The following PLB1 variants were observed in gnomAD, a reference collection of about 807,000 sequenced individuals.
PLB1 encodes the protein phospholipase B1.
In PLB1, 242 loss-of-function variants were observed where a neutral mutation model predicts 227.4. That is an observed-to-expected ratio of 1.06 (90% CI 0.96 to 1.18). The LOEUF is 1.18. Ranked by LOEUF, PLB1 falls within the 50% of genes most tolerant of loss-of-function variation. The pLI is 0.00. For synonymous variants in PLB1, 757 were observed against 682.2 expected (o/e 1.11, Z -1.71); for missense variants, 1,858 against 1,816.3 (o/e 1.02, Z -0.42).
rs373621925 is a variant in PLB1 at position 28,629,203 on chromosome 2, C to T, written c.3818+18C>T. 6.5e-5 allele frequency: 104 copies of T among 1,609,720 alleles called. No individual in the cohort carries two copies. Among genetic ancestry groups the T allele is most frequent in the South Asian group, 3.3e-4 (30 of 90,424 alleles). ...GCAGCTCAGTAAGTGGACAGGTCAC[C>T]GTCCCAAGGCAAGGGCACCTGGGGT... On this transcript the variant is annotated intron_variant, in intron 53 of 57. Transcript: ENST00000327757.
At chr2:28,574,336 A>ACCG (rs1553435008) in intron 21 of PLB1, among the ~76,000 whole-genome samples, 3 of 70,288 alleles carry the variant, frequency 4.3e-5, no homozygotes, top group Non-Finnish European at 7.5e-5. Flanking sequence ...TTAATCCCTC[A>ACCG]CCCCCCCCAC....
Position 28,620,904 on chromosome 2 carries a change from C to A in PLB1, c.3453C>A (p.Tyr1151Ter). ...LPNILKKFNP[Y>*]LLGFSTSTWE... is the part of the protein sequence containing the mutation. The stretch of plus-strand genomic sequence containing the variant: ...ACATTCTGAAGAAGTTCAACCCTTA[C>A]CTCCTTGGCTTCTCTACCAGCACCT... The change falls in exon 49 of 58, where the codon TAC becomes TAA. Residue 1151 changes from tyrosine (Y) to a stop codon, truncating the protein, a stop_gained. Coordinates refer to ENST00000327757, the MANE Select transcript of PLB1 (RefSeq NM_153021.5). LOFTEE classifies it high-confidence loss of function. The A allele has an allele frequency of 1.2e-6, 2 of 1,614,022 alleles. No individual in the cohort carries two copies. The highest frequency in any genetic ancestry group is 1.3e-5 in the African/African-American group (1 of 75,020).
intron 56 of PLB1, among the ~76,000 whole-genome samples, chr2:28,634,636 G>C (rs768338562): frequency 6.6e-6 from 1 of 152,034 alleles, no homozygotes; most frequent in Non-Finnish European, 1.5e-5. Context: ...GGCCAGGCAC[G>C]GTGGCTCATG....
In PLB1 at chr2:28,550,047, A is replaced by G; in HGVS notation, c.1046A>G (p.Tyr349Cys). ...CTGTTCAGCTACAGAAACAGCAACTACCTGACCAGACTGCAGAAACCCCAA... is the reference window on the plus strand; with the variant it reads ...CTGTTCAGCTACAGAAACAGCAACTGCCTGACCAGACTGCAGAAACCCCAA... ...PYLFSYRNSN[Y>C]LTRLQKPQDK... The change falls in exon 16 of 58, where the codon TAC (tyrosine) becomes TGC (cysteine). Residue 349 changes from tyrosine to cysteine, a missense_variant. Physicochemically the swap from Tyr to Cys is radical, Grantham distance 194. Transcript: ENST00000327757. 6.2e-7 allele frequency: 1 copy of G among 1,613,478 alleles called. No individual in the cohort carries two copies. Among genetic ancestry groups the G allele is most frequent in the Non-Finnish European group, 8.5e-7 (1 of 1,179,564 alleles).
At chr2:28,500,209 T>C (rs147491136) in intron 1 of PLB1, among the ~76,000 whole-genome samples, 39 of 152,358 alleles carry the variant, frequency 2.6e-4, no homozygotes, top group African/African-American at 8.9e-4. Flanking sequence ...TTAATCTCTT[T>C]TCATCAAGAA....
intron 21 of PLB1, among the ~76,000 whole-genome samples, chr2:28,576,463 C>CT (rs1439067890): frequency 6.6e-6 from 1 of 152,232 alleles, no homozygotes; most frequent in African/African-American, 2.4e-5. Flanking sequence ...GGCACAGTGG[C>CT]TCACGTCTGT....
At chr2:28,628,914 A>C (rs1018828536) in intron 52 of PLB1, among the ~76,000 whole-genome samples, 180 bp from the exon 53 acceptor site, 1 of 152,116 alleles carries the variant, frequency 6.6e-6, no homozygotes, top group African/African-American at 2.4e-5. Context: ...CAGTTTCTCA[A>C]CCTATAAAGC....
chr2:28,533,198 C>T (rs115987284), intron 9 of PLB1, among the ~76,000 whole-genome samples: 4 of 152,278 alleles, frequency 2.6e-5, no homozygotes, highest in Admixed American at 6.5e-5. Context: ...CCAGGCTCAC[C>T]GTCAGAACTC....
chr2:28,601,939 A>T lies in PLB1; in HGVS notation c.2648A>T (p.Asn883Ile), dbSNP rs1017262187. ...GCCAACTTTGTTCACCATCTCCGCA[A>T]TGCCTTGGACGTCCTGCATAGAGAG... ...SAANFVHHLR[N>I]ALDVLHREVP... is the part of the protein sequence containing the mutation. The change falls in exon 38 of 58, where the codon AAT (asparagine) becomes ATT (isoleucine). Residue 883 changes from asparagine (N) to isoleucine (I), a missense_variant. Physicochemically the swap from Asn to Ile is moderately radical, Grantham distance 149. Coordinates refer to ENST00000327757, the MANE Select transcript of PLB1 (RefSeq NM_153021.5). The T allele has an allele frequency of 6.2e-7, 1 of 1,611,454 alleles. No homozygotes were observed. The highest frequency in any genetic ancestry group is 8.5e-7 in the Non-Finnish European group (1 of 1,177,816).
chr2:28,589,344 T>C (rs1189363416), intron 26 of PLB1, 106 bp from the exon 27 acceptor site: 1 of 837,614 alleles, frequency 1.2e-6, no homozygotes, highest in Non-Finnish European at 2.0e-6. Context: ...TTGATTTCAC[T>C]CAACAGTCAG....
At chr2:28,543,634 G>A (rs1672816250) in intron 14 of PLB1, among the ~76,000 whole-genome samples, 1 of 152,224 alleles carries the variant, frequency 6.6e-6, no homozygotes, top group Non-Finnish European at 1.5e-5. Context: ...CTTAGGCGGT[G>A]TTGTGCGGTT....
intron 36 of PLB1, among the ~76,000 whole-genome samples, 159 bp downstream of exon 36, chr2:28,601,019 G>T (rs888648352): frequency 6.6e-6 from 1 of 152,132 alleles, no homozygotes; most frequent in Non-Finnish European, 1.5e-5. Context: ...TGTGGAGGAG[G>T]GTATGTCAAT....
intron 1 of PLB1, 90 bp from the exon 2 acceptor site, chr2:28,516,718 A>G (rs1668890433): frequency 1.7e-6 from 2 of 1,159,016 alleles, no homozygotes; most frequent in Non-Finnish European, 2.6e-6. Context: ...GGGCACACAG[A>G]TATGGCTAGG....
At chr2:28,567,818 C>T (rs137855596) in intron 20 of PLB1, among the ~76,000 whole-genome samples, 111 of 152,222 alleles carry the variant, frequency 7.3e-4, no homozygotes, top group African/African-American at 2.6e-3. Flanking sequence ...AAAATTCTCG[C>T]CAGTGCGTAC....
At chr2:28,571,132 G>A (rs1294836543) in intron 20 of PLB1, among the ~76,000 whole-genome samples, 1 of 152,160 alleles carries the variant, frequency 6.6e-6, no homozygotes, top group Non-Finnish European at 1.5e-5. Context: ...TTCAGTGATT[G>A]CAAGGTACAA....
intron 1 of PLB1, among the ~76,000 whole-genome samples, chr2:28,499,464 A>G (rs1666833925): frequency 6.6e-6 from 1 of 151,796 alleles, no homozygotes; most frequent in African/African-American, 2.4e-5. Context: ...TTCCTCTTCA[A>G]TCTGTGTGCC....
chr2:28,562,372 T>C (rs1676181221), intron 17 of PLB1, among the ~76,000 whole-genome samples: 1 of 151,548 alleles, frequency 6.6e-6, no homozygotes, highest in South Asian at 2.1e-4. Context: ...GGAAACCCTG[T>C]CTCTACTAAA....
chr2:28,590,292 G>T (rs1681680000), intron 29 of PLB1, among the ~76,000 whole-genome samples: 1 of 152,100 alleles, frequency 6.6e-6, no homozygotes, highest in Non-Finnish European at 1.5e-5. Flanking sequence ...CTGCGTGGCT[G>T]GGAGCCCTCA....
At chr2:28,519,923 T>C (rs571402977) in intron 4 of PLB1, among the ~76,000 whole-genome samples, 160 bp downstream of exon 4, 1 of 151,914 alleles carries the variant, frequency 6.6e-6, no homozygotes, top group East Asian at 1.9e-4. Context: ...TATTTTATTT[T>C]ATTATTTATT....
Sources: gnomAD v4.1 joint callset for allele counts (sites outside exome capture counted in the v4.1 genomes callset) on GRCh38, gnomAD v4.1.1 for gene constraint, MANE v1.5 for transcripts, NCBI Gene and HGNC (gene_info 2026-07-23, HGNC 2026-07-21) for gene names.